The following ALG5 variants were observed in gnomAD, a reference collection of about 807,000 sequenced individuals.
ALG5 encodes the protein dolichyl-phosphate beta-glucosyltransferase.
A neutral mutation model predicts 51.8 loss-of-function variants in ALG5; 26 were observed. The ratio of observed to expected loss-of-function variants is 0.50; its 90% CI spans 0.37 to 0.70. ALG5 has a LOEUF of 0.70. ALG5 is among the 30% of genes least tolerant of loss of function. ALG5 has a pLI of 0.00. For synonymous variants in ALG5, 141 were observed against 136.1 expected (o/e 1.04, Z -0.25); for missense variants, 311 against 399.3 (o/e 0.78, Z 1.88).
intron 9 of ALG5, among the ~76,000 whole-genome samples, chr13:36,952,169 T>A (rs1356841413): frequency 2.6e-5 from 4 of 152,162 alleles, no homozygotes; most frequent in African/African-American, 7.2e-5. Context: ...ATAAAAAAAA[T>A]ATAGGAAATG....
intron 9 of ALG5, 56 bp from the exon 10 acceptor site, chr13:36,950,113 G>A (rs1224249152): frequency 2.6e-6 from 3 of 1,161,408 alleles, no homozygotes; most frequent in Non-Finnish European, 3.8e-6. Context: ...AGCAGAAAAC[G>A]TATCAGTTTA....
chr13:36,983,930 TG>T (rs1317457739), intron 6 of ALG5, among the ~76,000 whole-genome samples: 3 of 151,978 alleles, frequency 2.0e-5, no homozygotes, highest in Non-Finnish European at 4.4e-5. Context: ...TTATTAAATT[TG>T]GGGGGGCCTT....
chr13:36,957,977 G>A (rs2058848260), intron 8 of ALG5, among the ~76,000 whole-genome samples: 1 of 151,968 alleles, frequency 6.6e-6, no homozygotes, highest in African/African-American at 2.4e-5. Flanking sequence ...GTGGAGTCTT[G>A]GATACATCAC....
intron 2 of ALG5, 127 bp from the exon 3 acceptor site, chr13:36,995,162 T>A: frequency 1.2e-6 from 1 of 850,122 alleles, no homozygotes; most frequent in Non-Finnish European, 1.8e-6. Flanking sequence ...CCAATGGTCA[T>A]TCCCATCTGA....
At chr13:36,950,636 G>A (rs2058813995) in intron 9 of ALG5, among the ~76,000 whole-genome samples, 1 of 151,676 alleles carries the variant, frequency 6.6e-6, no homozygotes, top group African/African-American at 2.4e-5. Context: ...CTGTAGTGCA[G>A]TGACACGATT....
At chr13:36,965,874 C>T in intron 7 of ALG5, 148 bp from the exon 8 acceptor site, 1 of 654,230 alleles carries the variant, frequency 1.5e-6, no homozygotes, top group Non-Finnish European at 2.5e-6. Context: ...GCTTCACCAA[C>T]AAAGTATATT....
chr13:36,958,834 C>T (rs1193180739), intron 8 of ALG5, among the ~76,000 whole-genome samples: 1 of 152,110 alleles, frequency 6.6e-6, no homozygotes, highest in African/African-American at 2.4e-5. Context: ...AAGAAATAGT[C>T]AAATCATATA....
At chr13:36,969,245 C>T (rs1339044797) in intron 7 of ALG5, among the ~76,000 whole-genome samples, 4 of 152,030 alleles carry the variant, frequency 2.6e-5, no homozygotes. Flanking sequence ...AGAATTTACA[C>T]CATGAAAAAC....
chr13:36,970,875 C>T (rs1055189760), intron 7 of ALG5, among the ~76,000 whole-genome samples: 3 of 152,160 alleles, frequency 2.0e-5, no homozygotes, highest in African/African-American at 7.2e-5. Context: ...TGCGCCACTG[C>T]ACTGCATCCT....
chr13:36,974,786 TATA>T (rs2058942462), intron 6 of ALG5, among the ~76,000 whole-genome samples: 1 of 151,862 alleles, frequency 6.6e-6, no homozygotes, highest in African/African-American at 2.4e-5. Context: ...TACAAATTCA[TATA>T]ATGTCAATCA....
intron 8 of ALG5, among the ~76,000 whole-genome samples, chr13:36,960,007 C>A (rs1329113558): frequency 6.6e-6 from 1 of 151,930 alleles, no homozygotes; most frequent in Admixed American, 6.6e-5. Flanking sequence ...CTCTTGAGAG[C>A]CTGAACATGA....
chr13:36,974,345 AT>A (rs2058940128), intron 6 of ALG5, among the ~76,000 whole-genome samples: 1 of 152,176 alleles, frequency 6.6e-6, no homozygotes, highest in Non-Finnish European at 1.5e-5. Context: ...ACTAACAAAA[AT>A]AAATTTAAAA....
intron 6 of ALG5, among the ~76,000 whole-genome samples, chr13:36,972,278 C>T (rs1032557002): frequency 2.6e-5 from 4 of 151,920 alleles, no homozygotes; most frequent in East Asian, 1.9e-4. Context: ...TGTTAAAATT[C>T]GTAACTTTAA....
In ALG5 at chr13:36,971,963, T is replaced by G; in HGVS notation, c.621+14A>C. The G allele has an allele frequency of 1.3e-6, 2 of 1,595,166 alleles. No individual in the cohort carries two copies. Among genetic ancestry groups the G allele is most frequent in the Non-Finnish European group, 8.5e-7 (1 of 1,170,324 alleles). ...AATTAATTGGCTGTCCCATGCCAAT[T>G]AATGAAGTCTCACCTGAGCAATTGA... On this transcript the variant is annotated intron_variant, in intron 7 of 9. Coordinates refer to ENST00000239891, the MANE Select transcript of ALG5 (RefSeq NM_013338.5).
intron 6 of ALG5, among the ~76,000 whole-genome samples, chr13:36,977,525 C>T (rs2058957525): frequency 1.3e-5 from 2 of 152,052 alleles, no homozygotes; most frequent in South Asian, 4.2e-4. Context: ...GGTGCAGTGG[C>T]TCATGCCTAT....
chr13:36,987,952 C>T (rs889365492), intron 5 of ALG5, among the ~76,000 whole-genome samples: 9 of 152,154 alleles, frequency 5.9e-5, no homozygotes, highest in African/African-American at 7.2e-5. Flanking sequence ...ACTCACCCAC[C>T]GCTCCAGCCT....
At position 36,961,898 on chromosome 13, in the gene ALG5, C is replaced by G. The variant is rs527545004; in HGVS notation, c.773+3677G>C. 6.6e-5 allele frequency among the ~76,000 whole-genome samples: 10 copies of G among 152,198 alleles called. No individual in the cohort carries two copies. In the South Asian group the frequency reaches 2.1e-3, roughly 32 times the overall value. On this transcript the variant is annotated intron_variant, in intron 8 of 9. Coordinates refer to ENST00000239891, the MANE Select transcript of ALG5 (RefSeq NM_013338.5). ...CTGGGTTCAAGCAATTCTCCTGCCT[C>G]GGCCTCCCAAGTAGCTGGGATTACA...
chr13:36,958,318 T>G (rs534954345), intron 8 of ALG5, among the ~76,000 whole-genome samples: 2 of 152,260 alleles, frequency 1.3e-5, no homozygotes, highest in South Asian at 4.1e-4. Flanking sequence ...GAAACCCCAC[T>G]TTCACTGCCC....
At chr13:36,958,146 C>T (rs183627227) in intron 8 of ALG5, among the ~76,000 whole-genome samples, 1 of 152,206 alleles carries the variant, frequency 6.6e-6, no homozygotes, top group East Asian at 1.9e-4. Flanking sequence ...ATGGCCTTCC[C>T]TTGTCATATT....
Sources: allele counts gnomAD v4.1 joint callset (sites outside exome capture counted in the v4.1 genomes callset), GRCh38; gene constraint gnomAD v4.1.1; transcripts MANE v1.5; gene names NCBI Gene and HGNC (gene_info 2026-07-23, HGNC 2026-07-21).